Variants in ELN observed in about 807,000 individuals in gnomAD.
ELN encodes tropoelastin.
In ELN, 65 loss-of-function variants were observed where a neutral mutation model predicts 105.8. That is an observed-to-expected ratio of 0.61 (90% CI 0.50 to 0.75). ELN has a LOEUF of 0.75. Among genes scored for constraint, ELN ranks in the 30% least tolerant of loss-of-function variants. ELN has a pLI of 0.00. For missense variants in ELN, 882 were observed against 969.4 expected (o/e 0.91, Z 1.20); for synonymous variants, 368 against 389.2 (o/e 0.95, Z 0.64).
rs781816280 is a variant in ELN, at chr7:74,063,703, T to G, written c.1993+8T>G. 6.2e-7 allele frequency: 1 copy of G among 1,613,472 alleles called. No individual in the cohort carries two copies. The highest frequency in any genetic ancestry group is 1.1e-5 in the South Asian group (1 of 91,054). On this transcript the variant is annotated splice_region_variant and intron_variant, in intron 29 of 32. Coordinates refer to ENST00000252034, the MANE Select transcript of ELN (RefSeq NM_000501.4). The surrounding 1 kb of genome is among the most constrained non-coding windows in gnomAD (Gnocchi z 4.1). The stretch of plus-strand genomic sequence containing the variant: ...GTGTTGGGGGCCTTGGAGGTGAGAG[T>G]TGTTCTGAAATCAGTGAGTGTGTGT...
rs996553978 is a variant in ELN at position 74,046,913 on chromosome 7, G to C, written c.643+146G>C. On this transcript the variant is annotated intron_variant, in intron 12 of 32. Transcript: ENST00000252034. ...AGCCTGGCCAACATGGCAAAACCCC[G>C]TCCCTACTAAAGATACAAAAATTAG... 3.2e-6 allele frequency: 3 copies of C among 932,080 alleles called. No homozygotes were observed. The East Asian group carries it at 8.2e-5, about 25-fold the overall frequency. 57.7% of individuals were successfully genotyped at this position (932,080 alleles called of 1,614,324 possible). A position where few individuals can be genotyped will look rare whatever the true frequency, so the allele number is the denominator to read the frequency against.
chr7:74,040,096 T>C (rs1790842501), intron 4 of ELN, among the ~76,000 whole-genome samples: 1 of 152,158 alleles, frequency 6.6e-6, no homozygotes, highest in African/African-American at 2.4e-5. Flanking sequence ...ATGCTCAGGC[T>C]GGGATCATGG....
At chr7:74,056,611 C>T (rs1379036747) in intron 20 of ELN, 61 bp from the exon 21 acceptor site, 15 of 1,611,928 alleles carry the variant, frequency 9.3e-6, no homozygotes, top group East Asian at 4.5e-5. Flanking sequence ...GCTTTAAACA[C>T]GGCTCGGAGG....
At chr7:74,057,484 A>G in intron 21 of ELN, 156 bp from the exon 22 acceptor site, 2 of 1,572,888 alleles carry the variant, frequency 1.3e-6, no homozygotes, top group East Asian at 2.3e-5. Flanking sequence ...CTGTGTCTCC[A>G]GCCCAGAGAT....
intron 1 of ELN, among the ~76,000 whole-genome samples, chr7:74,034,160 C>T (rs1039455417): frequency 5.3e-5 from 8 of 152,208 alleles, no homozygotes; most frequent in South Asian, 2.1e-4. Flanking sequence ...CACCCAAGCT[C>T]GGCTGCCCAG....
intron 17 of ELN, chr7:74,052,449 G>C: frequency 4.5e-6 from 1 of 219,856 alleles, no homozygotes. Flanking sequence ...TCTAGGCATG[G>C]TGGCACATGC....
chr7:74,030,662 T>C (rs948054186), intron 1 of ELN, among the ~76,000 whole-genome samples: 3 of 152,008 alleles, frequency 2.0e-5, no homozygotes, highest in African/African-American at 7.2e-5. Context: ...CCTCCCAAAG[T>C]GCTTGGATTA....
intron 15 of ELN, among the ~76,000 whole-genome samples, chr7:74,049,113 A>G (rs1793293890): frequency 6.7e-6 from 1 of 149,416 alleles, no homozygotes; most frequent in African/African-American, 2.5e-5. Context: ...TTCTCCATGG[A>G]TCCATCTATC....
At chr7:74,043,284 C>T (rs1292082353) in intron 8 of ELN, 116 bp downstream of exon 8, 9 of 1,454,254 alleles carry the variant, frequency 6.2e-6, no homozygotes, top group Non-Finnish European at 7.5e-6. Context: ...GGCCTGGCTT[C>T]AGTCGGGCAG....
intron 4 of ELN, among the ~76,000 whole-genome samples, chr7:74,039,234 T>A (rs1192009849): frequency 3.3e-5 from 5 of 152,202 alleles, no homozygotes; most frequent in African/African-American, 1.2e-4. Flanking sequence ...CTTTTGTTAA[T>A]GAAAGATTTA....
chr7:74,051,625 G>T, intron 15 of ELN, 125 bp from the exon 16 acceptor site: 1 of 1,027,536 alleles, frequency 9.7e-7, no homozygotes, highest in Non-Finnish European at 1.4e-6. Context: ...GGCCCATCTG[G>T]AGACACCCGG....
chr7:74,046,753 C>T lies in ELN; in HGVS notation c.629C>T (p.Ala210Val). The T allele has an allele frequency of 1.9e-6, 3 of 1,614,136 alleles. No individual in the cohort carries two copies. The highest frequency in any genetic ancestry group is 1.1e-5 in the South Asian group (1 of 91,080). The change falls in exon 12 of 33, where the codon GCC becomes GTC. Residue 210 changes from alanine (A) to valine (V), a missense_variant. Ala to Val is a moderately conservative substitution (Grantham distance 64). Coordinates refer to ENST00000252034, the MANE Select transcript of ELN (RefSeq NM_000501.4). Reference protein sequence around the residue: ...PGVPLGYPIKAPKLPGGYGLP... With the variant: ...PGVPLGYPIKVPKLPGGYGLP... The stretch of plus-strand genomic sequence containing the variant: ...GTCCCACTGGGGTATCCCATCAAGG[C>T]CCCCAAGCTGCCTGGTAAGTCAGAG...
Position 74,048,562 on chromosome 7 carries a change from T to G in ELN, c.799+6T>G, listed in dbSNP as rs375623533. Reference sequence around the variant, plus strand: ...TAAAGCAGCAGCAAAGTTCGGTGAGTGCCCCTGGAGTCCCCACCTGGTGGC... The same window carrying G: ...TAAAGCAGCAGCAAAGTTCGGTGAGGGCCCCTGGAGTCCCCACCTGGTGGC... On this transcript the variant is annotated splice_donor_region_variant and intron_variant, in intron 15 of 32. Coordinates refer to ENST00000252034, the MANE Select transcript of ELN (RefSeq NM_000501.4). 6.2e-7 allele frequency: 1 copy of G among 1,613,740 alleles called. No individual in the cohort carries two copies. The highest frequency in any genetic ancestry group is 8.5e-7 in the Non-Finnish European group (1 of 1,179,840).
chr7:74,042,491 C>A, intron 5 of ELN, 123 bp from the exon 6 acceptor site: 1 of 801,112 alleles, frequency 1.2e-6, no homozygotes, highest in Non-Finnish European at 2.1e-6. Context: ...GCATTGATGT[C>A]TGGCAGAGAG....
intron 5 of ELN, among the ~76,000 whole-genome samples, chr7:74,041,654 C>T (rs941143323): frequency 1.3e-5 from 2 of 152,120 alleles, no homozygotes; most frequent in Non-Finnish European, 2.9e-5. Context: ...CTTCAGAGAG[C>T]TATGATCATG....
chr7:74,042,061 GA>G (rs76164151), intron 5 of ELN, among the ~76,000 whole-genome samples: 378 of 135,074 alleles, frequency 2.8e-3, no homozygotes, highest in South Asian at 7.2e-3. Context: ...TCTCTAAAGG[GA>G]AAAAAAAAAA....
At chr7:74,066,696 C>T (rs2132703850) in intron 31 of ELN, 36 bp from the exon 32 acceptor site, 8 of 1,613,096 alleles carry the variant, frequency 5.0e-6, no homozygotes, top group Non-Finnish European at 6.8e-6. Context: ...CAGTTTCCAC[C>T]CCTACCAACC....
intron 15 of ELN, among the ~76,000 whole-genome samples, chr7:74,051,320 C>T (rs1208273228): frequency 1.3e-5 from 2 of 152,194 alleles, no homozygotes; most frequent in East Asian, 1.9e-4. Context: ...CTGGTGGGGA[C>T]GGCTGCAATG....
chr7:74,044,549 C>T (rs1554670770), intron 9 of ELN, among the ~76,000 whole-genome samples: 1 of 152,166 alleles, frequency 6.6e-6, no homozygotes, highest in African/African-American at 2.4e-5. Flanking sequence ...TGTGAGTCAC[C>T]AAGGGGCCAC....
Sources: gnomAD v4.1 joint callset for allele counts (sites outside exome capture counted in the v4.1 genomes callset) on GRCh38, gnomAD v4.1.1 for gene constraint, Gnocchi (gnomAD v3.1) non-coding constraint, MANE v1.5 for transcripts, NCBI Gene and HGNC (gene_info 2026-07-23, HGNC 2026-07-21) for gene names.